The following ZNF254 variants were observed in gnomAD, a reference collection of about 807,000 sequenced individuals.
ZNF254 encodes zinc finger protein 254.
ZNF254 carries 10 observed loss-of-function variants against 12.4 expected under a neutral mutation model. The observed-to-expected ratio is 0.80, with a 90% CI of 0.50 to 1.36. ZNF254 has a LOEUF of 1.36. ZNF254 is among the 40% of genes most tolerant of loss of function. The pLI, the probability that ZNF254 is intolerant of heterozygous loss-of-function variation, is 0.00. For missense variants in ZNF254, 996 were observed against 763.9 expected (o/e 1.30, Z -3.58); for synonymous variants, 305 against 253.4 (o/e 1.20, Z -1.93).
chr19:24,067,401 T>C (rs1020725903), intron 2 of ZNF254, among the ~76,000 whole-genome samples: 4 of 151,528 alleles, frequency 2.6e-5, no homozygotes, highest in Admixed American at 2.0e-4. Context: ...ACAGGACTCT[T>C]TTTATCTTTC....
intron 2 of ZNF254, among the ~76,000 whole-genome samples, chr19:24,070,245 G>A (rs961582212): frequency 2.0e-5 from 3 of 152,200 alleles, no homozygotes; most frequent in Admixed American, 6.5e-5. Flanking sequence ...AGTGGATTGC[G>A]ACTCACATGC....
chr19:24,127,240 G>A lies in ZNF254; in HGVS notation c.1240G>A (p.Gly414Ser). 1 of 1,612,608 alleles carries A rather than the reference G, an allele frequency of 6.2e-7. No homozygotes were observed. Among genetic ancestry groups the A allele is most frequent in the Non-Finnish European group, 8.5e-7 (1 of 1,179,538 alleles). Residue 414 changes from glycine to serine, a missense_variant, in exon 4 of 4, where the codon GGT (glycine) becomes AGT (serine). By Grantham distance (56) the Gly-to-Ser change is moderately conservative. Coordinates refer to ENST00000357002, the MANE Select transcript of ZNF254 (RefSeq NM_203282.4). ...CTACAAATGTGAAGAATGCGGCAAAGGTTTTAATCGATCTTCAAATCTTAC... is the reference window on the plus strand; with the variant it reads ...CTACAAATGTGAAGAATGCGGCAAAAGTTTTAATCGATCTTCAAATCTTAC... ...KLYKCEECGK[G>S]FNRSSNLTTH... is the part of the protein sequence containing the mutation.
intron 2 of ZNF254, among the ~76,000 whole-genome samples, chr19:24,051,678 G>A (rs1047115598): frequency 2.6e-5 from 4 of 152,238 alleles, no homozygotes; most frequent in South Asian, 2.1e-4. Context: ...CCTAGGTAAT[G>A]CAACTCTCCT....
chr19:24,124,107 G>A (rs1483990288), intron 3 of ZNF254, among the ~76,000 whole-genome samples: 9 of 151,258 alleles, frequency 6.0e-5, no homozygotes, highest in South Asian at 2.1e-4. Flanking sequence ...GTATTGATAG[G>A]CTTTGACTTA....
chr19:24,086,767 G>A (rs773752705), upstream of ZNF254, among the ~76,000 whole-genome samples: 2 of 152,118 alleles, frequency 1.3e-5, no homozygotes, highest in South Asian at 2.1e-4. Flanking sequence ...GTGAGCCACC[G>A]CGCCCAGCTG....
intron 1 of ZNF254, among the ~76,000 whole-genome samples, chr19:24,101,427 T>TGTG (rs1973018787): frequency 6.6e-6 from 1 of 152,144 alleles, no homozygotes; most frequent in Non-Finnish European, 1.5e-5. Context: ...TCTTTGACCT[T>TGTG]TTCACATCTT....
chr19:24,045,738 C>A (rs1970360439), intron 1 of ZNF254, among the ~76,000 whole-genome samples: 1 of 151,396 alleles, frequency 6.6e-6, no homozygotes, highest in Non-Finnish European at 1.5e-5. Context: ...CGCTAGCCAT[C>A]TCTCGGTCGC....
At chr19:24,123,997 A>T (rs1332019513) in intron 3 of ZNF254, among the ~76,000 whole-genome samples, 1 of 151,988 alleles carries the variant, frequency 6.6e-6, no homozygotes, top group African/African-American at 2.4e-5. Flanking sequence ...AATTTTCTGA[A>T]ATAGAAAGAC....
chr19:24,041,165 G>C (rs1044541868), intron 1 of ZNF254, among the ~76,000 whole-genome samples: 20 of 152,252 alleles, frequency 1.3e-4, no homozygotes, highest in African/African-American at 4.8e-4. Context: ...AGTCCTCAGA[G>C]CCCTCGCTTG....
intron 1 of ZNF254, among the ~76,000 whole-genome samples, chr19:24,097,076 G>GT (rs1346326401): frequency 2.6e-5 from 4 of 152,044 alleles, no homozygotes; most frequent in East Asian, 1.9e-4. Context: ...TTTTATCCCT[G>GT]TTTTTTTGAG....
At chr19:24,107,241 A>T in intron 3 of ZNF254, 1 of 651,934 alleles carries the variant, frequency 1.5e-6, no homozygotes, top group East Asian at 3.0e-5. Flanking sequence ...TACTGTGAAG[A>T]AAAACACTGG....
chr19:24,038,655 T>TA (rs1352615479), intron 1 of ZNF254, among the ~76,000 whole-genome samples: 2 of 152,216 alleles, frequency 1.3e-5, no homozygotes, highest in African/African-American at 4.8e-5. Context: ...AGTCACAACA[T>TA]ACAATTGTGC....
intron 1 of ZNF254, among the ~76,000 whole-genome samples, chr19:24,089,471 T>C (rs1329020056): frequency 6.6e-6 from 1 of 152,160 alleles, no homozygotes; most frequent in Admixed American, 6.5e-5. Flanking sequence ...AAGTTTTCCT[T>C]TTGGAAACTA....
In ZNF254 at chr19:24,126,660, T is replaced by A. The variant is rs1459965011; in HGVS notation, c.660T>A (p.Asn220Lys). 1 of 1,612,160 alleles carries A rather than the reference T, an allele frequency of 6.2e-7. No individual in the cohort carries two copies. Among genetic ancestry groups the A allele is most frequent in the Non-Finnish European group, 8.5e-7 (1 of 1,179,506 alleles). Residue 220 changes from asparagine to lysine, a missense_variant, in exon 4 of 4, where the codon AAT becomes AAA. By Grantham distance (94) the Asn-to-Lys change is moderately conservative. Transcript: ENST00000357002. ...GTAAAGAATGTGGAAAAACCTTTAA[T>A]TGGTCCTCAACCCTTACTAATCATA... Reference protein sequence around the residue: ...YKCKECGKTFNWSSTLTNHRK... With the variant: ...YKCKECGKTFKWSSTLTNHRK...
chr19:24,081,913 A>G (rs934489200), intron 2 of ZNF254, among the ~76,000 whole-genome samples: 2 of 152,184 alleles, frequency 1.3e-5, no homozygotes, highest in East Asian at 1.9e-4. Flanking sequence ...ACCTGAGGTC[A>G]GGAGTTCGAG....
intron 2 of ZNF254, among the ~76,000 whole-genome samples, chr19:24,051,276 G>A (rs55880166): frequency 0.16 from 24,218 of 152,150 alleles, 2,106 homozygotes; most frequent in Middle Eastern, 0.23. Flanking sequence ...ACCTGCCTCA[G>A]CCTCCTGAGT....
chr19:24,036,890 C>T (rs984313727), intron 1 of ZNF254, among the ~76,000 whole-genome samples: 7 of 152,162 alleles, frequency 4.6e-5, no homozygotes, highest in Non-Finnish European at 1.0e-4. Context: ...AGAATCTTCA[C>T]AAAACAAGAA....
At chr19:24,114,102 C>T (rs933102076) in intron 3 of ZNF254, among the ~76,000 whole-genome samples, 3 of 151,664 alleles carry the variant, frequency 2.0e-5, no homozygotes, top group African/African-American at 4.8e-5. Context: ...GCCATACTGC[C>T]CAAGGTAATT....
At chr19:24,086,780 G>T (rs1972056665), upstream of ZNF254, among the ~76,000 whole-genome samples, 2 of 152,024 alleles carry the variant, frequency 1.3e-5, no homozygotes, top group South Asian at 4.1e-4. Flanking sequence ...CCCAGCTGAT[G>T]GATTTACTTA....
Sources: allele counts gnomAD v4.1 joint callset (sites outside exome capture counted in the v4.1 genomes callset), GRCh38; gene constraint gnomAD v4.1.1; transcripts MANE v1.5; gene names NCBI Gene and HGNC (gene_info 2026-07-23, HGNC 2026-07-21).